Variants in UGCG observed in about 807,000 individuals in gnomAD.
The protein encoded by UGCG is ceramide glucosyltransferase.
Under a neutral mutation model 49.5 loss-of-function variants are expected in UGCG, and 10 were observed. The observed-to-expected ratio is 0.20, with a 90% CI of 0.12 to 0.34. The LOEUF (loss-of-function observed/expected upper bound fraction) is 0.34. UGCG is among the 10% of genes least tolerant of loss of function. The pLI is 1.00. For missense variants in UGCG, 312 were observed against 483.7 expected, an observed-to-expected ratio of 0.65 and a Z score of 3.33; for synonymous variants, 182 against 158.2, an observed-to-expected ratio of 1.15 and a Z score of -1.13.
intron 6 of UGCG, 101 bp downstream of exon 6, chr9:111,929,779 AT>A (rs954311470): frequency 1.5e-4 from 213 of 1,395,168 alleles, no homozygotes; most frequent in South Asian, 3.2e-4. Context: ...ATTTAATTTT[AT>A]TTTTTTTGCT....
chr9:111,928,766 CAT>C (rs1488866101), intron 5 of UGCG, among the ~76,000 whole-genome samples: 1 of 152,232 alleles, frequency 6.6e-6, no homozygotes, highest in Non-Finnish European at 1.5e-5. Flanking sequence ...GAAAAGGCAA[CAT>C]ATCTGAGGTG....
chr9:111,912,011 C>CAT (rs1454088642), intron 1 of UGCG, among the ~76,000 whole-genome samples: 2 of 56,812 alleles, frequency 3.5e-5, no homozygotes, highest in African/African-American at 9.9e-5. Flanking sequence ...CAACAGGATA[C>CAT]ATATATATAT....
chr9:111,906,038 G>GCCAGCCTGCA (rs1309729063), intron 1 of UGCG, among the ~76,000 whole-genome samples: 12 of 152,130 alleles, frequency 7.9e-5, no homozygotes, highest in Admixed American at 6.6e-4. Context: ...GTAGTTTACT[G>GCCAGCCTGCA]CCAGCCTGCA....
At chr9:111,913,049 C>T (rs947118651) in intron 1 of UGCG, among the ~76,000 whole-genome samples, 10 of 152,130 alleles carry the variant, frequency 6.6e-5, no homozygotes, top group African/African-American at 2.4e-4. Context: ...GAAGTCTTTC[C>T]CAGTTTAATA....
intron 1 of UGCG, among the ~76,000 whole-genome samples, chr9:111,907,189 A>G (rs1391222879): frequency 6.6e-6 from 1 of 152,194 alleles, no homozygotes; most frequent in South Asian, 2.1e-4. Flanking sequence ...GGATGCTTCC[A>G]TCTCTCTTCT....
intron 6 of UGCG, 125 bp downstream of exon 6, chr9:111,929,803 A>T (rs985305542): frequency 1.0e-5 from 11 of 1,067,208 alleles, no homozygotes; most frequent in Non-Finnish European, 1.4e-5. Flanking sequence ...TAAGTACAGA[A>T]TAGGTCAATA....
In UGCG at chr9:111,934,005, T is replaced by G. The variant is rs929343146; in HGVS notation, c.*1008T>G. On this transcript the variant is annotated 3_prime_UTR_variant, in exon 9 of 9. Coordinates refer to ENST00000374279, the MANE Select transcript of UGCG (RefSeq NM_003358.3). ...AGAATGTAATTTCATGATACAAGTA[T>G]TTAATACCTTTTTTAAGTCAGTAAA... 3 of 152,204 alleles carry G rather than the reference T, an allele frequency of 2.0e-5. No homozygotes were observed. The highest frequency in any genetic ancestry group is 2.9e-5 in the Non-Finnish European group (2 of 68,040). The allele number at this position is 152,204 out of a possible 1,614,324, so 9.4% of individuals were successfully genotyped here.
At chr9:111,914,947 C>T in intron 2 of UGCG, 1 of 611,680 alleles carries the variant, frequency 1.6e-6, no homozygotes, top group South Asian at 3.3e-5. Context: ...CCTTTCTAAC[C>T]ACCTATATGT....
rs908284615 is a variant in UGCG at position 111,897,123 on chromosome 9, C to T, written c.-93C>T. 20 of 1,091,052 alleles carry T rather than the reference C, an allele frequency of 1.8e-5. 1 individual carries two copies. Among genetic ancestry groups the T allele is most frequent in the Non-Finnish European group, 2.3e-5 (18 of 776,124 alleles). The allele number at this position is 1,091,052 out of a possible 1,614,324, so 67.6% of individuals were successfully genotyped here. A position where few individuals can be genotyped will look rare whatever the true frequency, so the allele number is the denominator to read the frequency against. On this transcript the variant is annotated 5_prime_UTR_variant, in exon 1 of 9. Transcript: ENST00000374279. ...CCCACCTTCCTCTCGCCTCCCGCGC[C>T]CCCGCACCGGGCGCCCACCCTGTCC...
chr9:111,897,914 TTTA>T (rs1337667543), intron 1 of UGCG, among the ~76,000 whole-genome samples: 1 of 150,324 alleles, frequency 6.7e-6, no homozygotes, highest in Non-Finnish European at 1.5e-5. Flanking sequence ...AGTTCCTCGT[TTTA>T]TTGTTTTATG....
chr9:111,926,616 CCTG>C (rs768313908), intron 5 of UGCG, 120 bp downstream of exon 5: 2 of 645,782 alleles, frequency 3.1e-6, no homozygotes, highest in Non-Finnish European at 2.4e-6. Context: ...CATTTGGGAA[CCTG>C]CTGTGTTCTA....
chr9:111,898,129 C>G (rs1228183843), intron 1 of UGCG, among the ~76,000 whole-genome samples: 1 of 151,380 alleles, frequency 6.6e-6, no homozygotes, highest in Non-Finnish European at 1.5e-5. Context: ...TGTGACGAAG[C>G]GTGTAAGTAA....
At chr9:111,923,612 A>G (rs1838266636) in intron 3 of UGCG, among the ~76,000 whole-genome samples, 1 of 151,796 alleles carries the variant, frequency 6.6e-6, no homozygotes, top group Non-Finnish European at 1.5e-5. Context: ...ATTTACTGTC[A>G]TATATTTATG....
At chr9:111,918,765 CA>C (rs1021725633) in intron 2 of UGCG, among the ~76,000 whole-genome samples, 8 of 148,726 alleles carry the variant, frequency 5.4e-5, no homozygotes, top group East Asian at 2.0e-4. Flanking sequence ...ACTAAAAATA[CA>C]AAAAAAAAAT....
intron 3 of UGCG, among the ~76,000 whole-genome samples, chr9:111,924,233 A>G (rs1022248711): frequency 1.3e-5 from 2 of 152,180 alleles, no homozygotes; most frequent in African/African-American, 4.8e-5. Flanking sequence ...AAATTTGTAT[A>G]TATTTTTGGT....
chr9:111,920,829 CT>C (rs1312097440), intron 2 of UGCG, among the ~76,000 whole-genome samples: 2 of 151,970 alleles, frequency 1.3e-5, no homozygotes, highest in Non-Finnish European at 1.5e-5. Context: ...AGTTAGTTAG[CT>C]TTGTTATGTT....
rs1837904726 is a variant in UGCG at position 111,907,278 on chromosome 9, G to C, written c.99-7327G>C. 5.3e-5 allele frequency among the ~76,000 whole-genome samples: 8 copies of C among 152,162 alleles called. No homozygotes were observed. In the South Asian group the frequency reaches 1.7e-3, roughly 32 times the overall value. The stretch of plus-strand genomic sequence containing the variant: ...AGAGTCCCGTACAGACTCTACTTCT[G>C]AATGAGAGGTGGCGTGTGCACATGT... On this transcript the variant is annotated intron_variant, in intron 1 of 8. Coordinates refer to ENST00000374279, the MANE Select transcript of UGCG (RefSeq NM_003358.3).
intron 5 of UGCG, among the ~76,000 whole-genome samples, chr9:111,926,857 C>G (rs954796677): frequency 7.0e-6 from 1 of 142,648 alleles, no homozygotes; most frequent in Non-Finnish European, 1.5e-5. Flanking sequence ...CCCCTCCCCC[C>G]AGCCTTTTTT....
intron 1 of UGCG, among the ~76,000 whole-genome samples, chr9:111,912,077 A>G (rs1342765471): frequency 7.3e-6 from 1 of 136,090 alleles, no homozygotes; most frequent in African/African-American, 2.8e-5. Flanking sequence ...TTAATTGTGT[A>G]ATATAAACTT....
Sources: gnomAD v4.1 joint callset for allele counts (sites outside exome capture counted in the v4.1 genomes callset) on GRCh38, gnomAD v4.1.1 for gene constraint, MANE v1.5 for transcripts, NCBI Gene and HGNC (gene_info 2026-07-23, HGNC 2026-07-21) for gene names.